USP9X: variants seen among roughly 807,000 people sequenced by gnomAD.
USP9X encodes ubiquitin specific peptidase 9 X-linked.
A neutral mutation model predicts 190.3 loss-of-function variants in USP9X; 7 were observed. That is an observed-to-expected ratio of 0.04 (90% CI 0.02 to 0.07). The LOEUF is 0.07. Among genes scored for constraint, USP9X ranks in the 10% least tolerant of loss-of-function variants. The pLI, the probability that USP9X is intolerant of heterozygous loss-of-function variation, is 1.00. For synonymous variants in USP9X, 645 were observed against 659.5 expected (o/e 0.98, Z 0.34); for missense variants, 1,010 against 1,916.9 (o/e 0.53, Z 8.83).
At chrX:41,145,746 T>C (rs1271259442) in intron 11 of USP9X, among the ~76,000 whole-genome samples, 1 of 111,633 alleles carries the variant, frequency 9.0e-6, no homozygotes, top group South Asian at 3.7e-4. Context: ...GCTTGTACTT[T>C]TCTAGATATT....
intron 20 of USP9X, among the ~76,000 whole-genome samples, chrX:41,170,821 A>G (rs2062719014): frequency 8.9e-6 from 1 of 112,059 alleles, no homozygotes; most frequent in Non-Finnish European, 1.9e-5. Context: ...TAATTTCCCC[A>G]TAGGTATAGT....
At chrX:41,117,576 CTTCT>C (rs1466751853) in intron 1 of USP9X, among the ~76,000 whole-genome samples, 13 of 98,421 alleles carry the variant, frequency 1.3e-4, no homozygotes, top group African/African-American at 2.7e-4. Context: ...TTTTTTTCTT[CTTCT>C]TTTTTTTTTT....
In USP9X at chrX:41,216,496, A is replaced by G; in HGVS notation, c.5929A>G (p.Arg1977Gly). Residue 1977 changes from arginine to glycine, a missense_variant, in exon 35 of 45, where the codon AGA becomes GGA. Coordinates refer to ENST00000378308, the MANE Select transcript of USP9X (RefSeq NM_001039591.3). ...RYISELAITTRPHQIIMPSAI... is the reference protein window; with the variant it reads ...RYISELAITTGPHQIIMPSAI... ...TATATCAGAGCTTGCTATCACCACC[A>G]GACCTCATCAGATTATTATGCCATC... 8.3e-7 allele frequency: 1 copy of G among 1,211,776 alleles called. No individual in the cohort carries two copies.
chrX:41,216,485 C>G lies in USP9X; in HGVS notation c.5918C>G (p.Ala1973Gly). 1 of 1,211,275 alleles carries G rather than the reference C, an allele frequency of 8.3e-7. No individual in the cohort carries two copies. Among genetic ancestry groups the G allele is most frequent in the Non-Finnish European group, 1.1e-6 (1 of 895,417 alleles). The change falls in exon 35 of 45, where the codon GCT (alanine) becomes GGT (glycine). Residue 1973 changes from alanine (A) to glycine (G), a missense_variant. Physicochemically the swap from Ala to Gly is moderately conservative, Grantham distance 60 (BLOSUM62 0). This residue lies in a region of USP9X where 31 missense variants were observed against 27.2 expected (regional missense o/e 1.14). Transcript: ENST00000378308. ...TTGATAAGATATATATCAGAGCTTG[C>G]TATCACCACCAGACCTCATCAGATT... ...DELIRYISEL[A>G]ITTRPHQIIM... is the part of the protein sequence containing the mutation.
At chrX:41,167,426 T>C in intron 16 of USP9X, 56 bp from the exon 17 acceptor site, 1 of 987,484 alleles carries the variant, frequency 1.0e-6, no homozygotes, top group South Asian at 2.1e-5. Context: ...TGAATTTAAA[T>C]GCCCAACAAA....
intron 12 of USP9X, among the ~76,000 whole-genome samples, chrX:41,149,726 C>T (rs1211683887): frequency 9.3e-6 from 1 of 107,704 alleles, no homozygotes; most frequent in Non-Finnish European, 1.9e-5. Flanking sequence ...TTTTTTGAGA[C>T]GGAGTCTTGT....
At chrX:41,120,655 C>T (rs1323980272) in intron 1 of USP9X, among the ~76,000 whole-genome samples, 1 of 109,420 alleles carries the variant, frequency 9.1e-6, no homozygotes, top group African/African-American at 3.3e-5. Context: ...CCCGCCACCA[C>T]GCCCGGCTAA....
chrX:41,111,744 C>G (rs938390725), intron 1 of USP9X, among the ~76,000 whole-genome samples: 1 of 111,230 alleles, frequency 9.0e-6, no homozygotes. Flanking sequence ...TTTGAACAAG[C>G]TTTGGCTGGG....
chrX:41,215,591 T>C (rs771561653), intron 34 of USP9X, among the ~76,000 whole-genome samples: 6 of 112,975 alleles, frequency 5.3e-5, no homozygotes, highest in Admixed American at 4.7e-4. Context: ...GCTACTCTTA[T>C]TGTTATTGTA....
intron 1 of USP9X, among the ~76,000 whole-genome samples, chrX:41,092,832 G>A (rs1034943751): frequency 1.8e-5 from 2 of 110,692 alleles, no homozygotes; most frequent in African/African-American, 3.3e-5. Flanking sequence ...CAGGAGGCTG[G>A]AATTGGTCTG....
intron 1 of USP9X, among the ~76,000 whole-genome samples, chrX:41,108,020 G>T (rs1487862423): frequency 8.9e-6 from 1 of 111,868 alleles, no homozygotes; most frequent in Non-Finnish European, 1.9e-5. Flanking sequence ...TGTATGTGGG[G>T]CACACATTCT....
chrX:41,219,443 AT>A lies in USP9X; in HGVS notation c.6565+227del, dbSNP rs748573662. Among the ~76,000 whole-genome samples, 726 of 98,595 alleles carry A rather than the reference AT, an allele frequency of 7.4e-3. 3 individuals are homozygous for A. The highest frequency in any genetic ancestry group is 0.026 in the East Asian group (83 of 3,163). The allele number at this position is 98,595 out of a possible 115,157, so 85.6% of individuals were successfully genotyped here. On this transcript the variant is annotated intron_variant, in intron 38 of 44. Transcript: ENST00000378308. The stretch of plus-strand genomic sequence containing the variant: ...GACACAGGTCAGAATCTGTGTTTTG[AT>A]TTTTTTTTTTTTTTAATCTCCTAAT...
At chrX:41,132,295 ATTTTTTTTTTTT>A (rs11356870) in intron 4 of USP9X, among the ~76,000 whole-genome samples, 1 of 54,570 alleles carries the variant, frequency 1.8e-5, no homozygotes, top group African/African-American at 9.2e-5. Context: ...ATGCCCACTA[ATTTTTTTTTTTT>A]TTTTTTTTTT....
intron 33 of USP9X, among the ~76,000 whole-genome samples, chrX:41,211,409 G>C (rs995182836): frequency 5.3e-5 from 6 of 112,952 alleles, no homozygotes; most frequent in Non-Finnish European, 1.1e-4. Flanking sequence ...GATTATAATA[G>C]TGTAAATACA....
At chrX:41,104,992 C>G (rs1413547537) in intron 1 of USP9X, among the ~76,000 whole-genome samples, 2 of 110,770 alleles carry the variant, frequency 1.8e-5, no homozygotes, top group African/African-American at 6.6e-5. Flanking sequence ...ACTAACAAAA[C>G]AATAAAAATT....
intron 38 of USP9X, among the ~76,000 whole-genome samples, chrX:41,219,945 A>G (rs2063245862): frequency 8.9e-6 from 1 of 112,149 alleles, no homozygotes; most frequent in African/African-American, 3.2e-5. Context: ...TGATTGCACC[A>G]CTGCACTCCA....
In USP9X at chrX:41,232,308, CAG is replaced by C. The variant is rs966385093; in HGVS notation, c.7528-75_7528-74del. 13 of 1,053,844 alleles carry C rather than the reference CAG, an allele frequency of 1.2e-5. No homozygotes were observed. In the African/African-American group the frequency reaches 2.3e-4, roughly 18 times the overall value. 86.8% of individuals were successfully genotyped at this position (1,053,844 alleles called of 1,213,427 possible). On this transcript the variant is annotated intron_variant, in intron 44 of 44. Transcript: ENST00000378308. ...TCCCAAGAATAAGAGTATACATTTC[CAG>C]AGACTTCAGACCATGATTTTGAAGT...
At chrX:41,232,080 A>G (rs2063364947) in intron 44 of USP9X, among the ~76,000 whole-genome samples, 2 of 111,974 alleles carry the variant, frequency 1.8e-5, no homozygotes, top group African/African-American at 6.5e-5. Flanking sequence ...CAGTGGGTTA[A>G]TCCTTTATTT....
At chrX:41,187,890 A>C in intron 24 of USP9X, 102 bp from the exon 25 acceptor site, 1 of 837,197 alleles carries the variant, frequency 1.2e-6, no homozygotes, top group Non-Finnish European at 1.6e-6. Context: ...ATGGTACTAC[A>C]CAGTAATTCC....
Sources: gnomAD v4.1 joint callset for allele counts (sites outside exome capture counted in the v4.1 genomes callset) on GRCh38, gnomAD v4.1.1 for gene constraint, gnomAD v4.1.1 regional missense constraint, MANE v1.5 for transcripts, NCBI Gene and HGNC (gene_info 2026-07-23, HGNC 2026-07-21) for gene names.